The following SFI1 variants were observed in gnomAD, a reference collection of about 807,000 sequenced individuals.
The protein encoded by SFI1 is protein SFI1 homolog.
SFI1 carries 195 observed loss-of-function variants against 207.5 expected under a neutral mutation model. The ratio of observed to expected loss-of-function variants is 0.94; its 90% CI spans 0.84 to 1.06. The LOEUF (loss-of-function observed/expected upper bound fraction) is 1.06. Ranked by LOEUF, SFI1 falls within the 50% of genes least tolerant of loss-of-function variation. The probability of loss-of-function intolerance (pLI) is 0.00; values close to 1 mark genes in which losing one functional copy is unlikely to be tolerated. For missense variants in SFI1, 1,634 were observed against 1,588.0 expected (o/e 1.03, Z -0.49); for synonymous variants, 630 against 598.9 (o/e 1.05, Z -0.76).
chr22:31,539,231 T>C lies in SFI1; in HGVS notation c.339-7630T>C, dbSNP rs934209295. ...CCCGAGTGACTCCAATGGCCCCTCATTGGTCTCCTGCTTCCTGTCTTGCCC... is the reference window on the plus strand; with the variant it reads ...CCCGAGTGACTCCAATGGCCCCTCACTGGTCTCCTGCTTCCTGTCTTGCCC... On this transcript the variant is annotated intron_variant, in intron 4 of 32. Transcript: ENST00000400288. 7.9e-5 allele frequency among the ~76,000 whole-genome samples: 12 copies of C among 152,278 alleles called. No individual in the cohort carries two copies. In the South Asian group the frequency reaches 1.2e-3, roughly 16 times the overall value.
chr22:31,504,377 T>C (rs2054297509), intron 1 of SFI1, among the ~76,000 whole-genome samples: 1 of 152,176 alleles, frequency 6.6e-6, no homozygotes, highest in Non-Finnish European at 1.5e-5. Context: ...ATTATTCGTT[T>C]TGTATGGATA....
chr22:31,586,742 G>A (rs753647159), intron 14 of SFI1, among the ~76,000 whole-genome samples: 10 of 152,178 alleles, frequency 6.6e-5, no homozygotes, highest in Admixed American at 2.0e-4. Context: ...AGAGCAGAGG[G>A]TCTCTTTTAT....
intron 1 of SFI1, 23 bp from the exon 2 acceptor site, chr22:31,508,230 CTT>C: frequency 7.3e-7 from 1 of 1,366,226 alleles, no homozygotes. Flanking sequence ...CATTTTCTCT[CTT>C]TTTTATTCTC....
intron 6 of SFI1, chr22:31,550,705 C>A: frequency 4.7e-6 from 1 of 212,128 alleles, no homozygotes; most frequent in Non-Finnish European, 9.5e-6. Flanking sequence ...TGGAGCAGAG[C>A]TGCAGTGCTC....
chr22:31,586,980 A>G (rs1000197366), intron 14 of SFI1, among the ~76,000 whole-genome samples: 2 of 152,234 alleles, frequency 1.3e-5, no homozygotes, highest in African/African-American at 2.4e-5. Context: ...AGATCTTTCT[A>G]TTCTTAGACA....
chr22:31,517,792 G>A (rs541358325), intron 2 of SFI1, among the ~76,000 whole-genome samples: 34 of 151,886 alleles, frequency 2.2e-4, no homozygotes, highest in African/African-American at 7.2e-4. Flanking sequence ...TTGTTCCTTC[G>A]GTCAATTTGT....
intron 5 of SFI1, among the ~76,000 whole-genome samples, chr22:31,548,216 C>T (rs1162202312): frequency 6.6e-6 from 1 of 150,462 alleles, no homozygotes; most frequent in African/African-American, 2.4e-5. Flanking sequence ...GAGCGAGACT[C>T]CATCTCAGAA....
intron 5 of SFI1, among the ~76,000 whole-genome samples, 195 bp downstream of exon 5, chr22:31,547,166 G>GAC (rs145488720): frequency 0.026 from 4,003 of 151,860 alleles, 191 homozygotes; most frequent in African/African-American, 0.093. Flanking sequence ...CGTGCACACA[G>GAC]ACACACACAC....
At chr22:31,568,696 T>TA (rs201084645) in intron 8 of SFI1, among the ~76,000 whole-genome samples, 1,775 of 152,052 alleles carry the variant, frequency 0.012, 10 homozygotes, top group Middle Eastern at 0.031. Flanking sequence ...ATAGACAAGA[T>TA]ACACCTAGGA....
intron 15 of SFI1, among the ~76,000 whole-genome samples, chr22:31,600,450 T>C (rs2146940213): frequency 6.6e-6 from 1 of 152,366 alleles, no homozygotes; most frequent in East Asian, 1.9e-4. Context: ...GAGCTCCGTC[T>C]TTCAACCCTG....
At chr22:31,604,726 G>A in intron 19 of SFI1, 143 bp from the exon 20 acceptor site, 1 of 687,626 alleles carries the variant, frequency 1.5e-6, no homozygotes, top group Non-Finnish European at 2.4e-6. Context: ...TGCTGGCCCT[G>A]GGACCAGGGG....
Position 31,602,635 on chromosome 22 carries a change from T to C in SFI1, c.1655T>C (p.Leu552Pro), listed in dbSNP as rs200059840. 3 of 1,614,106 alleles carry C rather than the reference T, an allele frequency of 1.9e-6. No homozygotes were observed. Among genetic ancestry groups the C allele is most frequent in the Non-Finnish European group, 2.5e-6 (3 of 1,180,052 alleles). The change falls in exon 17 of 33, where the codon CTG becomes CCG. Residue 552 changes from leucine to proline, a missense_variant. Physicochemically the swap from Leu to Pro is moderately conservative, Grantham distance 98. Coordinates refer to ENST00000400288, the MANE Select transcript of SFI1 (RefSeq NM_001007467.3). ...ATCCTTCACGCAGAGCGACAGCTTCTGTATAGGTCTTGGTTCATGTGGCAC... is the reference window on the plus strand; with the variant it reads ...ATCCTTCACGCAGAGCGACAGCTTCCGTATAGGTCTTGGTTCATGTGGCAC... Reference protein sequence around the residue: ...MAILHAERQLLYRSWFMWHQQ... With the variant: ...MAILHAERQLPYRSWFMWHQQ...
intron 1 of SFI1, chr22:31,497,381 C>T (rs1045901739): frequency 3.9e-5 from 6 of 152,154 alleles, no homozygotes; most frequent in Non-Finnish European, 7.3e-5. Flanking sequence ...CTTTTTATTT[C>T]AGGTGCACCG....
intron 2 of SFI1, among the ~76,000 whole-genome samples, chr22:31,527,917 C>T (rs978167417): frequency 1.8e-4 from 27 of 152,242 alleles, no homozygotes; most frequent in Admixed American, 1.7e-3. Context: ...AGTTCAAGAC[C>T]AGCCTGGCCA....
At chr22:31,594,848 C>CT (rs2066839805) in intron 15 of SFI1, among the ~76,000 whole-genome samples, 2 of 73,860 alleles carry the variant, frequency 2.7e-5, no homozygotes, top group Admixed American at 1.7e-4. Flanking sequence ...GAGTGAGACT[C>CT]TGTCTCAAAA....
chr22:31,520,260 A>G (rs748400281), intron 2 of SFI1, among the ~76,000 whole-genome samples: 2 of 151,582 alleles, frequency 1.3e-5, no homozygotes, highest in East Asian at 1.9e-4. Context: ...AGAGTAAACT[A>G]CTAGCTTGAC....
At chr22:31,604,740 T>C (rs1603325638) in intron 19 of SFI1, 129 bp from the exon 20 acceptor site, 3 of 769,482 alleles carry the variant, frequency 3.9e-6, no homozygotes, top group Non-Finnish European at 6.2e-6. Flanking sequence ...CCAGGGGCTG[T>C]TGGCCTCTTC....
intron 12 of SFI1, among the ~76,000 whole-genome samples, chr22:31,582,210 A>ATATATATAT: frequency 5.4e-5 from 1 of 18,368 alleles, no homozygotes; most frequent in African/African-American, 2.1e-4. Flanking sequence ...TACATTTTAT[A>ATATATATAT]TATATATATA....
At chr22:31,538,838 C>G (rs2059229285) in intron 4 of SFI1, among the ~76,000 whole-genome samples, 1 of 152,164 alleles carries the variant, frequency 6.6e-6, no homozygotes, top group Non-Finnish European at 1.5e-5. Context: ...CACTGCTTCT[C>G]TAGCTGCCTC....
Sources: allele counts gnomAD v4.1 joint callset (sites outside exome capture counted in the v4.1 genomes callset), GRCh38; gene constraint gnomAD v4.1.1; transcripts MANE v1.5; gene names NCBI Gene and HGNC (gene_info 2026-07-23, HGNC 2026-07-21).